The following PGPEP1 variants were observed in gnomAD, a reference collection of about 807,000 sequenced individuals.
PGPEP1 encodes the protein pyroglutamyl-peptidase 1.
In PGPEP1, 15 loss-of-function variants were observed where a neutral mutation model predicts 24.1. The observed-to-expected ratio is 0.62, with a 90% confidence interval of 0.42 to 0.96. PGPEP1 has a LOEUF of 0.96. PGPEP1 is among the 40% of genes least tolerant of loss of function. The probability of loss-of-function intolerance (pLI) is 0.00; values close to 1 mark genes in which losing one functional copy is unlikely to be tolerated. For synonymous variants in PGPEP1, 122 were observed against 116.4 expected (o/e 1.05, Z -0.31); for missense variants, 242 against 273.4 (o/e 0.89, Z 0.81).
chr19:18,347,529 T>C (rs1397229533), intron 2 of PGPEP1, among the ~76,000 whole-genome samples: 1 of 151,834 alleles, frequency 6.6e-6, no homozygotes, highest in East Asian at 1.9e-4. Flanking sequence ...TCTCCCTGTG[T>C]GTGTCTCTGT....
At chr19:18,343,679 C>CT (rs3078437) in intron 2 of PGPEP1, among the ~76,000 whole-genome samples, 11,981 of 114,994 alleles carry the variant, frequency 0.1, 878 homozygotes, top group Non-Finnish European at 0.12. Context: ...GGATCTCCCT[C>CT]TTTTTTTTTT....
At chr19:18,347,369 A>G (rs569536744) in intron 2 of PGPEP1, among the ~76,000 whole-genome samples, 1 of 132,468 alleles carries the variant, frequency 7.5e-6, no homozygotes, top group South Asian at 2.5e-4. Flanking sequence ...TAGCCCCTCA[A>G]AGTGCTGGGA....
At chr19:18,341,156 C>T (rs571246742) in intron 1 of PGPEP1, among the ~76,000 whole-genome samples, 48 of 152,302 alleles carry the variant, frequency 3.2e-4, no homozygotes, top group African/African-American at 1.1e-3. Context: ...CAGGAAGTGT[C>T]CCAGTGACAA....
chr19:18,357,346 G>A (rs780039809), intron 3 of PGPEP1, 37 bp from the exon 4 acceptor site: 1 of 1,536,922 alleles, frequency 6.5e-7, no homozygotes, highest in Non-Finnish European at 9.0e-7. Context: ...AGTCCCACGG[G>A]CAGGCCATGT....
intron 2 of PGPEP1, among the ~76,000 whole-genome samples, chr19:18,345,510 G>A (rs1042144937): frequency 6.6e-6 from 1 of 151,594 alleles, no homozygotes; most frequent in African/African-American, 2.4e-5. Flanking sequence ...GGAGGCTGAG[G>A]CAAGGAGTTC....
chr19:18,346,909 G>A (rs149415464), intron 2 of PGPEP1, among the ~76,000 whole-genome samples: 170 of 151,774 alleles, frequency 1.1e-3, no homozygotes, highest in African/African-American at 3.8e-3. Flanking sequence ...CAAAGTGCTG[G>A]GATTACAGGT....
chr19:18,351,746 C>T (rs1355190805), intron 2 of PGPEP1, among the ~76,000 whole-genome samples: 1 of 151,918 alleles, frequency 6.6e-6, no homozygotes, highest in Admixed American at 6.6e-5. Context: ...AGTTCAAGAC[C>T]AGCCTGGGCA....
chr19:18,353,209 G>C (rs569460360), intron 2 of PGPEP1, among the ~76,000 whole-genome samples: 1 of 151,072 alleles, frequency 6.6e-6, no homozygotes, highest in East Asian at 1.9e-4. Flanking sequence ...ATGAGCCACC[G>C]GGCCTGGTTC....
chr19:18,353,244 G>C (rs1478620401), intron 2 of PGPEP1, among the ~76,000 whole-genome samples: 1 of 148,762 alleles, frequency 6.7e-6, no homozygotes, highest in Non-Finnish European at 1.5e-5. Flanking sequence ...TTGAGACAAG[G>C]CCTTGCCCCG....
chr19:18,367,841 GA>G lies in PGPEP1; in HGVS notation c.*4259del, dbSNP rs1254388041. 6.6e-6 allele frequency: 1 copy of G among 152,246 alleles called. No individual in the cohort carries two copies. Among genetic ancestry groups the G allele is most frequent in the Non-Finnish European group, 1.5e-5 (1 of 68,118 alleles). The allele number at this position is 152,246 out of a possible 1,614,324, so 9.4% of individuals were successfully genotyped here. ...CAGATGGCAGTAGTTTCTCGGCAAG[GA>G]GGGGAATCCTGGAGATGGTTCATGT... On this transcript the variant is annotated 3_prime_UTR_variant, in exon 5 of 5. Transcript: ENST00000269919.
At chr19:18,358,560 G>C (rs1351682502) in intron 4 of PGPEP1, among the ~76,000 whole-genome samples, 2 of 146,146 alleles carry the variant, frequency 1.4e-5, no homozygotes, top group African/African-American at 5.1e-5. Flanking sequence ...GCGCCCAGCC[G>C]ACCTCATCTT....
At chr19:18,347,827 T>G (rs1970896625) in intron 2 of PGPEP1, among the ~76,000 whole-genome samples, 1 of 151,722 alleles carries the variant, frequency 6.6e-6, no homozygotes, top group South Asian at 2.1e-4. Context: ...AGAGACGGGG[T>G]TTCACCATAT....
In PGPEP1 at chr19:18,365,175, G is replaced by C. The variant is rs1172652666; in HGVS notation, c.*1592G>C. The C allele has an allele frequency of 6.6e-6, 1 of 152,124 alleles. No individual in the cohort carries two copies. The highest frequency in any genetic ancestry group is 1.5e-5 in the Non-Finnish European group (1 of 68,030). The allele number at this position is 152,124 out of a possible 1,614,324, so 9.4% of individuals were successfully genotyped here. Reference sequence around the variant, plus strand: ...GATGATGTAAGTTCAGCCACATCTTGCTGCCCATTAGGGAGAGAGGACGAC... The same window carrying C: ...GATGATGTAAGTTCAGCCACATCTTCCTGCCCATTAGGGAGAGAGGACGAC... On this transcript the variant is annotated 3_prime_UTR_variant, in exon 5 of 5. Coordinates refer to ENST00000269919, the MANE Select transcript of PGPEP1 (RefSeq NM_017712.4).
intron 2 of PGPEP1, among the ~76,000 whole-genome samples, chr19:18,350,566 G>A (rs113564386): frequency 5.3e-5 from 8 of 152,328 alleles, no homozygotes; most frequent in South Asian, 2.1e-4. Context: ...GCATGAGGAC[G>A]TTCACTGCAG....
chr19:18,369,505 A>G lies in PGPEP1; in HGVS notation c.*5922A>G, dbSNP rs1971646873. 6.6e-6 allele frequency: 1 copy of G among 152,282 alleles called. No individual in the cohort carries two copies. Among genetic ancestry groups the G allele is most frequent in the African/African-American group, 2.4e-5 (1 of 41,414 alleles). 9.4% of individuals were successfully genotyped at this position (152,282 alleles called of 1,614,324 possible). ...TTTTGTGTCGTGACACTTTGTCTCA[A>G]GGAGATTCCACATAGGGATTTGAAT... On this transcript the variant is annotated 3_prime_UTR_variant, in exon 5 of 5. Transcript: ENST00000269919.
chr19:18,346,412 G>T lies in PGPEP1; in HGVS notation c.87+3501G>T, dbSNP rs1970844808. ...GGTGTTTTGTTCTGCACTGTGGGTG[G>T]CAATTGCTTCCTGCCGTGACCGATT... On this transcript the variant is annotated intron_variant, in intron 2 of 4. Transcript: ENST00000269919. Among the ~76,000 whole-genome samples, 4 of 152,118 alleles carry T rather than the reference G, an allele frequency of 2.6e-5. No homozygotes were observed. In the South Asian group the frequency reaches 8.3e-4, roughly 32 times the overall value.
intron 4 of PGPEP1, among the ~76,000 whole-genome samples, chr19:18,359,559 G>T: frequency 6.7e-6 from 1 of 149,142 alleles, no homozygotes. Flanking sequence ...ACAGGCTGGA[G>T]TGCATTGGCG....
intron 4 of PGPEP1, chr19:18,357,822 C>T (rs936648429): frequency 1.0e-5 from 6 of 572,748 alleles, no homozygotes; most frequent in East Asian, 5.9e-5. Context: ...CCCACCATCA[C>T]GGTCCCCACC....
intron 2 of PGPEP1, among the ~76,000 whole-genome samples, chr19:18,350,309 G>A (rs1367365484): frequency 3.9e-5 from 6 of 152,214 alleles, no homozygotes; most frequent in Admixed American, 3.9e-4. Flanking sequence ...ACAGGCATGA[G>A]CCACTGCACC....
Sources: gnomAD v4.1 joint callset for allele counts (sites outside exome capture counted in the v4.1 genomes callset) on GRCh38, gnomAD v4.1.1 for gene constraint, MANE v1.5 for transcripts, NCBI Gene and HGNC (gene_info 2026-07-23, HGNC 2026-07-21) for gene names.